Variants in MCTP1 observed in about 807,000 individuals in gnomAD.
The protein encoded by MCTP1 is multiple C2 and transmembrane domain containing 1, also known as multiple C2 and transmembrane domain-containing protein 1.
In MCTP1, 69 loss-of-function variants were observed where a neutral mutation model predicts 120.6. That is an observed-to-expected ratio of 0.57 (90% CI 0.47 to 0.70). The LOEUF (loss-of-function observed/expected upper bound fraction) is 0.70, where lower values mean the gene tolerates loss of function less well. MCTP1 is among the 30% of genes least tolerant of loss of function. The probability of loss-of-function intolerance (pLI) is 0.00; values close to 1 mark genes in which losing one functional copy is unlikely to be tolerated. For synonymous variants in MCTP1, 529 were observed against 493.1 expected (o/e 1.07, Z -0.96); for missense variants, 1,203 against 1,248.8 (o/e 0.96, Z 0.55).
chr5:95,019,370 T>TA (rs1055350390), intron 1 of MCTP1, among the ~76,000 whole-genome samples: 3 of 152,044 alleles, frequency 2.0e-5, no homozygotes, highest in African/African-American at 7.2e-5. Flanking sequence ...CCCCTGAACT[T>TA]ACTCATCTTA....
intron 17 of MCTP1, among the ~76,000 whole-genome samples, chr5:94,846,723 A>T (rs1792461074): frequency 6.6e-6 from 1 of 152,056 alleles, no homozygotes; most frequent in Non-Finnish European, 1.5e-5. Context: ...ATCCAAGACC[A>T]ATTAAACCGG....
intron 1 of MCTP1, among the ~76,000 whole-genome samples, chr5:95,095,258 C>T (rs552536449): frequency 2.0e-5 from 3 of 151,776 alleles, no homozygotes; most frequent in Non-Finnish European, 4.4e-5. Flanking sequence ...CTCCTGACCT[C>T]GTGATCCACC....
intron 5 of MCTP1, among the ~76,000 whole-genome samples, chr5:94,932,514 T>A (rs1815026595): frequency 6.6e-6 from 1 of 152,070 alleles, no homozygotes; most frequent in African/African-American, 2.4e-5. Flanking sequence ...ATTTTCCTGC[T>A]AAACGTTTAG....
intron 1 of MCTP1, among the ~76,000 whole-genome samples, chr5:95,209,406 T>C (rs2152564884): frequency 6.6e-6 from 1 of 152,284 alleles, no homozygotes; most frequent in African/African-American, 2.4e-5. Context: ...CCTCCCTCTC[T>C]CCTTCTGTCA....
At chr5:94,994,981 G>A (rs1407166527) in intron 2 of MCTP1, among the ~76,000 whole-genome samples, 2 of 152,198 alleles carry the variant, frequency 1.3e-5, no homozygotes, top group Non-Finnish European at 2.9e-5. Context: ...ACAGACTGAA[G>A]ACTGCACTAT....
chr5:94,852,881 C>T (rs1335570963), intron 17 of MCTP1, among the ~76,000 whole-genome samples: 1 of 151,828 alleles, frequency 6.6e-6, no homozygotes, highest in East Asian at 1.9e-4. Flanking sequence ...AAATGCCAGG[C>T]AATAAACCAC....
At chr5:94,773,835 C>T (rs190753141) in intron 19 of MCTP1, among the ~76,000 whole-genome samples, 67 of 152,294 alleles carry the variant, frequency 4.4e-4, no homozygotes, top group African/African-American at 1.5e-3. Context: ...TTACCTTCCA[C>T]CGGGTCCCTC....
At chr5:95,062,617 C>A (rs1021787922) in intron 1 of MCTP1, among the ~76,000 whole-genome samples, 1 of 152,144 alleles carries the variant, frequency 6.6e-6, no homozygotes, top group Non-Finnish European at 1.5e-5. Context: ...ACTGAACAGT[C>A]CCCACATATC....
At chr5:95,238,676 A>G (rs754876543) in intron 1 of MCTP1, among the ~76,000 whole-genome samples, 3 of 152,196 alleles carry the variant, frequency 2.0e-5, no homozygotes, top group Non-Finnish European at 2.9e-5. Flanking sequence ...ATCCTGGAAC[A>G]ATGCATGATC....
At chr5:94,847,967 C>A (rs753569030) in intron 17 of MCTP1, among the ~76,000 whole-genome samples, 9 of 152,144 alleles carry the variant, frequency 5.9e-5, no homozygotes, top group Admixed American at 1.3e-4. Context: ...TAAGACTGAT[C>A]TCTTGAGACT....
chr5:95,040,114 G>C (rs1006082355), intron 1 of MCTP1, among the ~76,000 whole-genome samples: 4 of 152,044 alleles, frequency 2.6e-5, no homozygotes, highest in African/African-American at 9.7e-5. Context: ...GGTCCCCCCT[G>C]CCTGCTGAAA....
intron 19 of MCTP1, among the ~76,000 whole-genome samples, chr5:94,723,150 CTTA>C (rs1429559986): frequency 6.6e-6 from 1 of 152,162 alleles, no homozygotes. Context: ...GCTACTGAAT[CTTA>C]TCTAAGTGTC....
Position 95,284,586 on chromosome 5 carries a change from C to T in MCTP1, c.-11G>A. On this transcript the variant is annotated 5_prime_UTR_variant, in exon 1 of 23. Coordinates refer to ENST00000515393, the MANE Select transcript of MCTP1 (RefSeq NM_024717.7). This position sits in a 1 kb window ranked among gnomAD's most constrained non-coding sequence, Gnocchi z 5.2. The stretch of plus-strand genomic sequence containing the variant: ...AGCCCGGGGCTCCATCCTCCACCCC[C>T]TGCTCCTCCTCTCCCCTCCTCCTCC... 7.1e-7 allele frequency: 1 copy of T among 1,416,822 alleles called. No homozygotes were observed. The highest frequency in any genetic ancestry group is 9.1e-7 in the Non-Finnish European group (1 of 1,098,472). The allele number at this position is 1,416,822 out of a possible 1,614,324, so 87.8% of individuals were successfully genotyped here.
chr5:95,093,395 G>A (rs1276015980), intron 1 of MCTP1, among the ~76,000 whole-genome samples: 3 of 152,178 alleles, frequency 2.0e-5, no homozygotes, highest in Non-Finnish European at 4.4e-5. Context: ...AAGTGAGTGG[G>A]TCTACAGCAG....
Position 95,056,546 on chromosome 5 carries a change from T to C in MCTP1, c.721-39062A>G, listed in dbSNP as rs913707442. 5.3e-5 allele frequency among the ~76,000 whole-genome samples: 8 copies of C among 152,322 alleles called. No homozygotes were observed. The East Asian group carries it at 1.3e-3, about 26-fold the overall frequency. On this transcript the variant is annotated intron_variant, in intron 1 of 22. Coordinates refer to ENST00000515393, the MANE Select transcript of MCTP1 (RefSeq NM_024717.7). ...AAATGAATTATCAAGGATTAATTCATACTATAGATGTAATTTTCACCTTAT... is the reference window on the plus strand; with the variant it reads ...AAATGAATTATCAAGGATTAATTCACACTATAGATGTAATTTTCACCTTAT...
At chr5:94,964,510 G>T (rs576878569) in intron 2 of MCTP1, among the ~76,000 whole-genome samples, 1 of 152,114 alleles carries the variant, frequency 6.6e-6, no homozygotes, top group African/African-American at 2.4e-5. Flanking sequence ...ATTAATATTT[G>T]CCCTATATTT....
chr5:95,045,124 T>C (rs1464277427), intron 1 of MCTP1, among the ~76,000 whole-genome samples: 1 of 152,164 alleles, frequency 6.6e-6, no homozygotes, highest in East Asian at 1.9e-4. Flanking sequence ...GTGAGTTTCT[T>C]GAATGTGCTA....
intron 1 of MCTP1, among the ~76,000 whole-genome samples, chr5:95,068,477 C>A (rs1159903213): frequency 6.6e-6 from 1 of 152,160 alleles, no homozygotes; most frequent in Non-Finnish European, 1.5e-5. Context: ...TAGTCTAATA[C>A]GTCAACTTCC....
intron 4 of MCTP1, 67 bp from the exon 5 acceptor site, chr5:94,940,262 T>C (rs1442625668): frequency 1.2e-6 from 1 of 850,852 alleles, no homozygotes; most frequent in Admixed American, 2.5e-5. Context: ...TTTTTATTAA[T>C]GCTTTATTAT....
Sources: allele counts gnomAD v4.1 joint callset (sites outside exome capture counted in the v4.1 genomes callset), GRCh38; gene constraint gnomAD v4.1.1; non-coding constraint Gnocchi (gnomAD v3.1); transcripts MANE v1.5; gene names NCBI Gene and HGNC (gene_info 2026-07-23, HGNC 2026-07-21).